RAB5A: variants seen among roughly 807,000 people sequenced by gnomAD.
RAB5A encodes ras-related protein Rab-5A.
In RAB5A, 8 loss-of-function variants were observed where a neutral mutation model predicts 25.7. The ratio of observed to expected loss-of-function variants is 0.31; its 90% CI spans 0.18 to 0.56. The LOEUF (loss-of-function observed/expected upper bound fraction) is 0.56, where lower values mean the gene tolerates loss of function less well. RAB5A is among the 20% of genes least tolerant of loss of function. The pLI, the probability that RAB5A is intolerant of heterozygous loss-of-function variation, is 0.91. For synonymous variants in RAB5A, 98 were observed against 89.8 expected (o/e 1.09, Z -0.52); for missense variants, 192 against 259.7 (o/e 0.74, Z 1.79).
chr3:19,955,160 A>G (rs1219175061), intron 2 of RAB5A, among the ~76,000 whole-genome samples: 1 of 152,230 alleles, frequency 6.6e-6, no homozygotes, highest in Non-Finnish European at 1.5e-5. Context: ...AGTGGTTAGA[A>G]TATGCAGTGA....
chr3:19,983,726 A>G lies in RAB5A; in HGVS notation c.551A>G (p.Asn184Ser), dbSNP rs758749672. Residue 184 changes from asparagine (N) to serine (S), a missense_variant, in exon 6 of 6, where the codon AAT (asparagine) becomes AGT (serine). Asn to Ser is a conservative substitution (Grantham distance 46). This residue lies in a region of RAB5A where 121 missense variants were observed against 135.7 expected (regional missense o/e 0.89). Coordinates refer to ENST00000273047, the MANE Select transcript of RAB5A (RefSeq NM_004162.5). ...CTTTCAGCTAAAAAATTGCCAAAGAATGAACCACAAAATCCAGGAGCAAAT... is the reference window on the plus strand; with the variant it reads ...CTTTCAGCTAAAAAATTGCCAAAGAGTGAACCACAAAATCCAGGAGCAAAT... ...FMAIAKKLPK[N>S]EPQNPGANSA... 2 of 1,610,576 alleles carry G rather than the reference A, an allele frequency of 1.2e-6. No homozygotes were observed. Among genetic ancestry groups the G allele is most frequent in the African/African-American group, 1.3e-5 (1 of 74,800 alleles).
intron 2 of RAB5A, chr3:19,951,340 G>T: frequency 3.6e-6 from 1 of 275,142 alleles, no homozygotes. Context: ...CATTTGACCT[G>T]ATACCTATTT....
chr3:19,978,507 G>A (rs909923745), intron 5 of RAB5A, 104 bp downstream of exon 5: 3 of 734,500 alleles, frequency 4.1e-6, no homozygotes, highest in Non-Finnish European at 7.2e-6. Flanking sequence ...GGGTGGGTTT[G>A]TGTGTATGTT....
At chr3:19,981,753 G>C (rs79711466) in intron 5 of RAB5A, among the ~76,000 whole-genome samples, 1 of 152,128 alleles carries the variant, frequency 6.6e-6, no homozygotes, top group Non-Finnish European at 1.5e-5. Flanking sequence ...CCAGAGAACA[G>C]CCACTAGCTG....
rs187106451 is a variant in RAB5A, at chr3:19,970,682, C to A, written c.164-4919C>A. The A allele has an allele frequency of 6.7e-5, 29 of 435,814 alleles. No individual in the cohort carries two copies. The East Asian group carries it at 1.6e-3, about 25-fold the overall frequency. 27.0% of individuals were successfully genotyped at this position (435,814 alleles called of 1,614,324 possible). A position where few individuals can be genotyped will look rare whatever the true frequency, so the allele number is the denominator to read the frequency against. On this transcript the variant is annotated intron_variant, in intron 2 of 5. Transcript: ENST00000273047. ...TGATGGTTCTTAGCCAGAAAATAGA[C>A]GTTTTGGATAAATTAAAGTGGTTTT... is the stretch of plus-strand genomic sequence containing the variant.
chr3:19,954,287 T>TTA (rs1696467076), intron 2 of RAB5A, among the ~76,000 whole-genome samples: 1 of 152,192 alleles, frequency 6.6e-6, no homozygotes, highest in South Asian at 2.1e-4. Flanking sequence ...AGTGCTGGAA[T>TTA]TATAGGCGTG....
At chr3:19,954,702 C>T (rs1463376021) in intron 2 of RAB5A, among the ~76,000 whole-genome samples, 1 of 152,090 alleles carries the variant, frequency 6.6e-6, no homozygotes, top group African/African-American at 2.4e-5. Flanking sequence ...CCTGTAGTCC[C>T]AGCTACTGAG....
At chr3:19,951,662 G>A (rs1332678879) in intron 2 of RAB5A, among the ~76,000 whole-genome samples, 1 of 145,734 alleles carries the variant, frequency 6.9e-6, no homozygotes, top group African/African-American at 2.6e-5. Flanking sequence ...CTCCCACCAA[G>A]TAGTTGGACC....
chr3:19,966,302 G>A (rs1163024186), intron 2 of RAB5A, among the ~76,000 whole-genome samples: 1 of 152,082 alleles, frequency 6.6e-6, no homozygotes, highest in East Asian at 1.9e-4. Context: ...TACTTTTGTG[G>A]TTTCCTTATT....
At chr3:19,980,193 C>G (rs1414145607) in intron 5 of RAB5A, 2 of 152,128 alleles carry the variant, frequency 1.3e-5, no homozygotes, top group East Asian at 3.9e-4. Flanking sequence ...TTAGAGGAAA[C>G]AATGAGTTAA....
At chr3:19,973,184 G>A (rs1696776353) in intron 2 of RAB5A, among the ~76,000 whole-genome samples, 1 of 152,014 alleles carries the variant, frequency 6.6e-6, no homozygotes, top group Admixed American at 6.6e-5. Flanking sequence ...TTATCCATTG[G>A]GGATTCTAGA....
At chr3:19,948,112 G>A (rs1168960867) in intron 1 of RAB5A, among the ~76,000 whole-genome samples, 1 of 152,128 alleles carries the variant, frequency 6.6e-6, no homozygotes, top group Admixed American at 6.6e-5. Context: ...GAACTACAGC[G>A]TTAAATAAAT....
In RAB5A at chr3:19,972,768, T is replaced by G. The variant is rs544917100; in HGVS notation, c.164-2833T>G. 2.0e-5 allele frequency among the ~76,000 whole-genome samples: 3 copies of G among 152,348 alleles called. No individual in the cohort carries two copies. In the East Asian group the frequency reaches 5.8e-4, roughly 29 times the overall value. On this transcript the variant is annotated intron_variant, in intron 2 of 5. Transcript: ENST00000273047. ...TGGGCATTTGTTTGTCTTAATGTATTTGTTGCAATTTCTTTGTATTTGGCA... is the reference window on the plus strand; with the variant it reads ...TGGGCATTTGTTTGTCTTAATGTATGTGTTGCAATTTCTTTGTATTTGGCA...
intron 2 of RAB5A, among the ~76,000 whole-genome samples, chr3:19,966,095 A>G (rs1696658495): frequency 6.6e-6 from 1 of 152,152 alleles, no homozygotes; most frequent in South Asian, 2.1e-4. Context: ...CCATTTTTGA[A>G]TATACAGTTG....
rs1696859920 is a variant in RAB5A, at chr3:19,978,398, C to G, written c.527C>G (p.Ala176Gly). 6.4e-7 allele frequency: 1 copy of G among 1,567,214 alleles called. No homozygotes were observed. Among genetic ancestry groups the G allele is most frequent in the Non-Finnish European group, 8.8e-7 (1 of 1,138,422 alleles). Residue 176 changes from alanine to glycine, a missense_variant, in exon 5 of 6, where the codon GCA (alanine) becomes GGA (glycine). Ala to Gly is a moderately conservative substitution (Grantham distance 60, BLOSUM62 0). Coordinates refer to ENST00000273047, the MANE Select transcript of RAB5A (RefSeq NM_004162.5). ...ATGAATGTAAATGAAATATTCATGG[C>G]AATAGGTAAGATTAATATCTCTTTT... ...TSMNVNEIFM[A>G]IAKKLPKNEP...
chr3:19,981,317 T>C (rs1696922431), intron 5 of RAB5A, among the ~76,000 whole-genome samples: 1 of 152,068 alleles, frequency 6.6e-6, no homozygotes, highest in Admixed American at 6.6e-5. Context: ...ATTAAAAATA[T>C]CATAAATCAG....
intron 2 of RAB5A, among the ~76,000 whole-genome samples, chr3:19,958,305 G>A (rs757639316): frequency 6.6e-6 from 1 of 152,144 alleles, no homozygotes; most frequent in Non-Finnish European, 1.5e-5. Context: ...GAATTTGAGA[G>A]GTTGTTACCC....
At position 19,975,684 on chromosome 3, in the gene RAB5A, C is replaced by G; in HGVS notation, c.247C>G (p.His83Asp). The G allele has an allele frequency of 6.2e-7, 1 of 1,613,642 alleles. No individual in the cohort carries two copies. Among genetic ancestry groups the G allele is most frequent in the Non-Finnish European group, 8.5e-7 (1 of 1,179,670 alleles). ...GGATACAGCTGGTCAAGAACGATAC[C>G]ATAGCCTAGCACCAATGTACTACAG... ...IWDTAGQERY[H>D]SLAPMYYRGA... Residue 83 changes from histidine to aspartate, a missense_variant, in exon 3 of 6, where the codon CAT becomes GAT. Transcript: ENST00000273047.
At chr3:19,955,805 C>T (rs895872009) in intron 2 of RAB5A, among the ~76,000 whole-genome samples, 18 of 151,978 alleles carry the variant, frequency 1.2e-4, no homozygotes, top group Non-Finnish European at 7.4e-5. Context: ...GCAGGAGATT[C>T]GCTTGAACCC....
Sources: allele counts gnomAD v4.1 joint callset (sites outside exome capture counted in the v4.1 genomes callset), GRCh38; gene constraint gnomAD v4.1.1; regional missense constraint gnomAD v4.1.1; transcripts MANE v1.5; gene names NCBI Gene and HGNC (gene_info 2026-07-23, HGNC 2026-07-21).